GADL1: variants seen among roughly 807,000 people sequenced by gnomAD.
The protein encoded by GADL1 is GAD like acidic amino acid decarboxylase 1.
A neutral mutation model predicts 69.5 loss-of-function variants in GADL1; 71 were observed. The observed-to-expected ratio is 1.02, with a 90% confidence interval of 0.84 to 1.25. The LOEUF is 1.25. GADL1 is among the 50% of genes most tolerant of loss of function. The pLI, the probability that GADL1 is intolerant of heterozygous loss-of-function variation, is 0.00. For missense variants in GADL1, 737 were observed against 631.8 expected, an observed-to-expected ratio of 1.17 and a Z score of -1.79; for synonymous variants, 254 against 214.4, an observed-to-expected ratio of 1.18 and a Z score of -1.62.
chr3:30,842,673 A>G lies in GADL1; in HGVS notation c.786+1537T>C, dbSNP rs150902555. On this transcript the variant is annotated intron_variant, in intron 8 of 14. Coordinates refer to ENST00000282538, the MANE Select transcript of GADL1 (RefSeq NM_207359.3). ...TTATTTTTGATAGGAATTTATGTAAAAAGAAATGAAACTAAAACTAGAAAA... is the reference window on the plus strand; with the variant it reads ...TTATTTTTGATAGGAATTTATGTAAGAAGAAATGAAACTAAAACTAGAAAA... 3.9e-4 allele frequency among the ~76,000 whole-genome samples: 59 copies of G among 152,250 alleles called. No individual in the cohort carries two copies. The South Asian group carries it at 0.01, about 26-fold the overall frequency.
At chr3:30,875,563 G>T (rs1323800504) in intron 1 of GADL1, among the ~76,000 whole-genome samples, 1 of 151,862 alleles carries the variant, frequency 6.6e-6, no homozygotes, top group South Asian at 2.1e-4. Context: ...AGTCATGCAG[G>T]CCAGGATAAT....
At chr3:30,758,689 T>G (rs1161432646) in intron 14 of GADL1, among the ~76,000 whole-genome samples, 1 of 152,232 alleles carries the variant, frequency 6.6e-6, no homozygotes, top group African/African-American at 2.4e-5. Context: ...TTCTTATCAC[T>G]GAGATAAAGG....
chr3:30,739,569 C>G (rs1695587995), intron 14 of GADL1, among the ~76,000 whole-genome samples: 1 of 152,134 alleles, frequency 6.6e-6, no homozygotes, highest in African/African-American at 2.4e-5. Context: ...CTCCCTATAC[C>G]TTCTCTTTGC....
chr3:30,801,158 G>T, intron 11 of GADL1, 70 bp from the exon 12 acceptor site: 1 of 1,132,262 alleles, frequency 8.8e-7, no homozygotes, highest in South Asian at 1.3e-5. Flanking sequence ...GCAAACACAT[G>T]TACACACACA....
At chr3:30,775,764 G>C (rs768570489) in intron 14 of GADL1, among the ~76,000 whole-genome samples, 1 of 152,178 alleles carries the variant, frequency 6.6e-6, no homozygotes, top group Non-Finnish European at 1.5e-5. Flanking sequence ...GGGGATAAGA[G>C]AATGTCCCAA....
At chr3:30,841,093 T>C (rs886119559) in intron 8 of GADL1, among the ~76,000 whole-genome samples, 1 of 152,202 alleles carries the variant, frequency 6.6e-6, no homozygotes, top group African/African-American at 2.4e-5. Context: ...GATGGTACTA[T>C]TCCTCATATC....
intron 12 of GADL1, among the ~76,000 whole-genome samples, chr3:30,788,252 C>T (rs1696840829): frequency 6.6e-6 from 1 of 151,984 alleles, no homozygotes; most frequent in Non-Finnish European, 1.5e-5. Flanking sequence ...TATAGGCATC[C>T]CTCGGGGGTA....
intron 11 of GADL1, among the ~76,000 whole-genome samples, chr3:30,830,803 C>A (rs1007088486): frequency 1.3e-5 from 2 of 151,900 alleles, no homozygotes; most frequent in Admixed American, 1.3e-4. Flanking sequence ...CTCTTAAGAA[C>A]CTCAAATTTA....
chr3:30,779,256 TTG>T (rs1164050880), intron 13 of GADL1, among the ~76,000 whole-genome samples: 1 of 152,234 alleles, frequency 6.6e-6, no homozygotes, highest in Non-Finnish European at 1.5e-5. Context: ...TCAGGAAAGA[TTG>T]TGTCATATGC....
chr3:30,741,479 T>C (rs1049854202), intron 14 of GADL1, among the ~76,000 whole-genome samples: 3 of 151,988 alleles, frequency 2.0e-5, no homozygotes, highest in African/African-American at 7.2e-5. Flanking sequence ...GCCTAAGCCT[T>C]CTATTCTGTA....
At chr3:30,754,469 A>C (rs1335209177) in intron 14 of GADL1, among the ~76,000 whole-genome samples, 1 of 149,476 alleles carries the variant, frequency 6.7e-6, no homozygotes, top group African/African-American at 2.4e-5. Flanking sequence ...AGGAATGCCA[A>C]TGACGGACTC....
At chr3:30,762,119 G>A (rs1450444439) in intron 14 of GADL1, among the ~76,000 whole-genome samples, 1 of 152,150 alleles carries the variant, frequency 6.6e-6, no homozygotes, top group Non-Finnish European at 1.5e-5. Flanking sequence ...GTTTTATAGA[G>A]AAGGCAGCAG....
At chr3:30,805,740 T>TTTTTTTTTTTTTTTTTTC in intron 11 of GADL1, among the ~76,000 whole-genome samples, 1 of 137,402 alleles carries the variant, frequency 7.3e-6, no homozygotes, top group East Asian at 2.1e-4. Flanking sequence ...CAGCCTTTTT[T>TTTTTTTTTTTTTTTTTTC]TTTTTTTTTT....
At chr3:30,892,124 G>T (rs1698795622) in intron 1 of GADL1, among the ~76,000 whole-genome samples, 1 of 152,146 alleles carries the variant, frequency 6.6e-6, no homozygotes, top group Non-Finnish European at 1.5e-5. Flanking sequence ...TTAATATAAT[G>T]AAAATTTGAA....
At chr3:30,810,444 T>C (rs1050997356) in intron 11 of GADL1, among the ~76,000 whole-genome samples, 7 of 152,182 alleles carry the variant, frequency 4.6e-5, no homozygotes, top group African/African-American at 1.7e-4. Context: ...GAGAGATCTG[T>C]GTTTGTCTTC....
Position 30,816,530 on chromosome 3 carries a change from C to CTTTTTTTTTTTTTTT in GADL1, c.1051-15457_1051-15443dup, listed in dbSNP as rs773530741. On this transcript the variant is annotated intron_variant, in intron 11 of 14. Transcript: ENST00000282538. ...AGACCATATATTCTTAATTTGTTTT[C>CTTTTTTTTTTTTTTT]TTTTTTTTTTTTTTTTTTTTTTTTT... is the stretch of plus-strand genomic sequence containing the variant. 2.4e-3 allele frequency among the ~76,000 whole-genome samples: 128 copies of CTTTTTTTTTTTTTTT among 53,984 alleles called. 42 individuals carry two copies. Among genetic ancestry groups the CTTTTTTTTTTTTTTT allele is most frequent in the Non-Finnish European group, 4.1e-3 (105 of 25,430 alleles). 35.4% of individuals were successfully genotyped at this position (53,984 alleles called of 152,430 possible). A position where few individuals can be genotyped will look rare whatever the true frequency, so the allele number is the denominator to read the frequency against.
chr3:30,743,865 C>A (rs974229891), intron 14 of GADL1, among the ~76,000 whole-genome samples: 2 of 152,148 alleles, frequency 1.3e-5, no homozygotes, highest in African/African-American at 4.8e-5. Context: ...AGCTGAAACT[C>A]TAAGAGTCAT....
At chr3:30,799,554 A>G (rs754456205) in intron 12 of GADL1, 2 of 152,184 alleles carry the variant, frequency 1.3e-5, no homozygotes, top group Non-Finnish European at 2.9e-5. Context: ...GACCTATGAC[A>G]TGCCCTGGAG....
chr3:30,865,589 T>G (rs566356722), intron 1 of GADL1, among the ~76,000 whole-genome samples: 1 of 152,036 alleles, frequency 6.6e-6, no homozygotes, highest in African/African-American at 2.4e-5. Flanking sequence ...AGGGGAAACC[T>G]TTGGCTGGGG....
Sources: gnomAD v4.1 joint callset for allele counts (sites outside exome capture counted in the v4.1 genomes callset) on GRCh38, gnomAD v4.1.1 for gene constraint, MANE v1.5 for transcripts, NCBI Gene and HGNC (gene_info 2026-07-23, HGNC 2026-07-21) for gene names.